NFYC: variants seen among roughly 807,000 people sequenced by gnomAD.
NFYC encodes the protein nuclear transcription factor Y subunit gamma.
NFYC carries 25 observed loss-of-function variants against 53.1 expected under a neutral mutation model. The observed-to-expected ratio is 0.47, with a 90% CI of 0.34 to 0.66. The LOEUF (loss-of-function observed/expected upper bound fraction) is 0.66, where lower values mean the gene tolerates loss of function less well. Among genes scored for constraint, NFYC ranks in the 30% least tolerant of loss-of-function variants. The pLI is 0.01. For missense variants in NFYC, 260 were observed against 422.7 expected (o/e 0.62, Z 3.38); for synonymous variants, 145 against 152.6 (o/e 0.95, Z 0.37).
intron 1 of NFYC, among the ~76,000 whole-genome samples, chr1:40,693,113 T>A (rs1642927525): frequency 1.3e-5 from 2 of 152,234 alleles, no homozygotes; most frequent in African/African-American, 4.8e-5. Context: ...CTAAAAAGTA[T>A]ACCCATTCCC....
intron 1 of NFYC, among the ~76,000 whole-genome samples, chr1:40,732,663 A>G (rs1644824983): frequency 6.6e-6 from 1 of 152,170 alleles, no homozygotes; most frequent in Non-Finnish European, 1.5e-5. Flanking sequence ...ACCCATTGTC[A>G]TTAATATTTC....
At chr1:40,737,260 CCCT>C (rs1362977962) in intron 1 of NFYC, among the ~76,000 whole-genome samples, 1 of 151,952 alleles carries the variant, frequency 6.6e-6, no homozygotes, top group Non-Finnish European at 1.5e-5. Flanking sequence ...TATTCATCTT[CCCT>C]CCTTTGTCAC....
chr1:40,744,065 T>TAGGAACTGGGCTGCAC lies in NFYC; in HGVS notation c.106-3466_106-3451dup, dbSNP rs1336862208. ...ATGGGTCCATGGCCTGTTAGGAACC[T>TAGGAACTGGGCTGCAC]AGGAACTGGGCTGCACAGCAGGAGG... On this transcript the variant is annotated intron_variant, in intron 2 of 9. Coordinates refer to ENST00000447388, the MANE Select transcript of NFYC (RefSeq NM_014223.5). Among the ~76,000 whole-genome samples the TAGGAACTGGGCTGCAC allele has an allele frequency of 3.9e-5, 6 of 152,148 alleles. No individual in the cohort carries two copies. The East Asian group carries it at 1.2e-3, about 29-fold the overall frequency.
At chr1:40,711,543 T>G (rs1263113657) in intron 1 of NFYC, among the ~76,000 whole-genome samples, 1 of 152,190 alleles carries the variant, frequency 6.6e-6, no homozygotes, top group African/African-American at 2.4e-5. Flanking sequence ...CTTGGAAAGA[T>G]GCCCAGTCAC....
At chr1:40,695,200 C>A (rs1331288694) in intron 1 of NFYC, among the ~76,000 whole-genome samples, 1 of 152,168 alleles carries the variant, frequency 6.6e-6, no homozygotes, top group Admixed American at 6.5e-5. Flanking sequence ...GATTGTGTCA[C>A]TGCCCTCCAG....
intron 1 of NFYC, among the ~76,000 whole-genome samples, chr1:40,712,129 A>G (rs1643946942): frequency 6.6e-6 from 1 of 152,254 alleles, no homozygotes; most frequent in African/African-American, 2.4e-5. Context: ...TTATGAAGAT[A>G]GGTGTGGCAT....
rs182466804 is a variant in NFYC, at chr1:40,758,899, T to C, written c.561+605T>C. On this transcript the variant is annotated intron_variant, in intron 6 of 9. Coordinates refer to ENST00000447388, the MANE Select transcript of NFYC (RefSeq NM_014223.5). Reference sequence around the variant, plus strand: ...ATCCAAATTCTCTGTCAATCATTATTTATTCATCAAACACTGAGCATCCTC... The same window carrying C: ...ATCCAAATTCTCTGTCAATCATTATCTATTCATCAAACACTGAGCATCCTC... Among the ~76,000 whole-genome samples the C allele has an allele frequency of 2.1e-3, 316 of 152,318 alleles. 3 individuals carry two copies. Among genetic ancestry groups the C allele is most frequent in the African/African-American group, 7.1e-3 (296 of 41,562 alleles).
chr1:40,749,484 C>G (rs1475413496), intron 3 of NFYC, 89 bp from the exon 4 acceptor site: 2 of 1,004,144 alleles, frequency 2.0e-6, no homozygotes, highest in Non-Finnish European at 3.2e-6. Flanking sequence ...ACCCTTGCCC[C>G]ATAGTCCCAT....
At chr1:40,747,487 CTG>C (rs768569146) in intron 2 of NFYC, 45 bp from the exon 3 acceptor site, 2 of 1,362,770 alleles carry the variant, frequency 1.5e-6, no homozygotes, top group Admixed American at 3.4e-5. Flanking sequence ...CTTTGCCACA[CTG>C]TTGATTGTCC....
intron 1 of NFYC, among the ~76,000 whole-genome samples, chr1:40,694,990 C>T (rs1011158373): frequency 4.6e-5 from 7 of 152,316 alleles, no homozygotes; most frequent in South Asian, 2.1e-4. Flanking sequence ...CAGTGGCTCA[C>T]GCCTCTAATC....
At chr1:40,695,354 A>G (rs1384526229) in intron 1 of NFYC, among the ~76,000 whole-genome samples, 2 of 152,244 alleles carry the variant, frequency 1.3e-5, no homozygotes, top group African/African-American at 4.8e-5. Flanking sequence ...CATACCACAG[A>G]ATTGTAAACA....
intron 1 of NFYC, among the ~76,000 whole-genome samples, chr1:40,693,858 A>T (rs1642978808): frequency 6.6e-6 from 1 of 152,248 alleles, no homozygotes; most frequent in Non-Finnish European, 1.5e-5. Context: ...GAAGACTATA[A>T]TTCTTAAGAA....
chr1:40,722,408 A>T (rs1271916493), intron 1 of NFYC, among the ~76,000 whole-genome samples: 1 of 152,196 alleles, frequency 6.6e-6, no homozygotes, highest in East Asian at 1.9e-4. Flanking sequence ...ATAGGAGAAC[A>T]TCTTTCTCTA....
At chr1:40,735,894 C>A in intron 1 of NFYC, 1 of 342,548 alleles carries the variant, frequency 2.9e-6, no homozygotes, top group Non-Finnish European at 4.1e-6. Flanking sequence ...TGATAAATAA[C>A]TAAACTTCTC....
intron 2 of NFYC, among the ~76,000 whole-genome samples, chr1:40,742,153 C>T (rs1295653313): frequency 6.6e-6 from 1 of 151,250 alleles, no homozygotes; most frequent in Non-Finnish European, 1.5e-5. Context: ...TCAAGCAATC[C>T]TCTTGCCTTG....
intron 1 of NFYC, among the ~76,000 whole-genome samples, chr1:40,721,872 A>C (rs960776301): frequency 6.6e-6 from 1 of 152,074 alleles, no homozygotes. Flanking sequence ...CCAAGGAGAC[A>C]TATTCTAAGA....
intron 1 of NFYC, among the ~76,000 whole-genome samples, chr1:40,694,390 A>G (rs1557720088): frequency 6.6e-6 from 1 of 152,224 alleles, no homozygotes; most frequent in Non-Finnish European, 1.5e-5. Flanking sequence ...GTGAGTTGGA[A>G]ATCTTAATTG....
At chr1:40,695,467 T>G (rs527596849) in intron 1 of NFYC, 3 of 152,496 alleles carry the variant, frequency 2.0e-5, no homozygotes, top group South Asian at 2.1e-4. Context: ...TCACTCAGGC[T>G]GGAGTTGCAG....
At chr1:40,724,887 C>T (rs1205890443) in intron 1 of NFYC, among the ~76,000 whole-genome samples, 1 of 152,176 alleles carries the variant, frequency 6.6e-6, no homozygotes, top group Non-Finnish European at 1.5e-5. Flanking sequence ...GAGCAGTGTG[C>T]AGCCACTTCT....
Sources: gnomAD v4.1 joint callset for allele counts (sites outside exome capture counted in the v4.1 genomes callset) on GRCh38, gnomAD v4.1.1 for gene constraint, MANE v1.5 for transcripts, NCBI Gene and HGNC (gene_info 2026-07-23, HGNC 2026-07-21) for gene names.